The following TMEM164 variants were observed in gnomAD, a reference collection of about 807,000 sequenced individuals.
TMEM164 encodes transmembrane protein 164.
In TMEM164, 4 loss-of-function variants were observed where a neutral mutation model predicts 18.8. The observed-to-expected ratio is 0.21, with a 90% CI of 0.10 to 0.49. The LOEUF (loss-of-function observed/expected upper bound fraction) is 0.49, where lower values mean the gene tolerates loss of function less well. Ranked by LOEUF, TMEM164 falls within the 20% of genes least tolerant of loss-of-function variation. The pLI, the probability that TMEM164 is intolerant of heterozygous loss-of-function variation, is 0.98. For synonymous variants in TMEM164, 86 were observed against 101.7 expected, an observed-to-expected ratio of 0.85 and a Z score of 0.93; for missense variants, 108 against 239.9, an observed-to-expected ratio of 0.45 and a Z score of 3.63.
chrX:110,120,267 C>G lies in TMEM164; in HGVS notation c.507+11121C>G, dbSNP rs149571736. Among the ~76,000 whole-genome samples the G allele has an allele frequency of 1.6e-3, 177 of 111,662 alleles. 1 individual carries two copies. Among genetic ancestry groups the G allele is most frequent in the Non-Finnish European group, 2.7e-3 (145 of 53,097 alleles). On this transcript the variant is annotated intron_variant, in intron 4 of 6. Transcript: ENST00000372068. Reference sequence around the variant, plus strand: ...CTTCCTAAAATCACATTAGAAGGAACAGCGTCTGGCAGTCTTACCCAATGT... The same window carrying G: ...CTTCCTAAAATCACATTAGAAGGAAGAGCGTCTGGCAGTCTTACCCAATGT...
chrX:110,092,684 A>G (rs770086852), intron 3 of TMEM164, among the ~76,000 whole-genome samples: 1 of 111,545 alleles, frequency 9.0e-6, no homozygotes, highest in Admixed American at 9.6e-5. Context: ...CTCTTTTCCT[A>G]ATTGAATACC....
chrX:110,032,886 A>G (rs1047996749), intron 2 of TMEM164, among the ~76,000 whole-genome samples: 10 of 112,152 alleles, frequency 8.9e-5, no homozygotes, highest in African/African-American at 2.9e-4. Context: ...TGTCAAGGAG[A>G]TGGAAGATTA....
chrX:110,101,107 A>T (rs370699863), intron 3 of TMEM164, among the ~76,000 whole-genome samples: 4 of 108,868 alleles, frequency 3.7e-5, no homozygotes, highest in African/African-American at 1.3e-4. Flanking sequence ...TAGTTTTGGT[A>T]TCTGGGTAAT....
intron 2 of TMEM164, among the ~76,000 whole-genome samples, chrX:110,022,625 G>C (rs1409282556): frequency 8.9e-6 from 1 of 111,808 alleles, no homozygotes; most frequent in African/African-American, 3.3e-5. Flanking sequence ...GGTTTGAGGA[G>C]AACTGCCTGG....
intron 2 of TMEM164, among the ~76,000 whole-genome samples, chrX:110,033,233 G>A (rs1476434863): frequency 8.9e-6 from 1 of 111,778 alleles, no homozygotes; most frequent in Non-Finnish European, 1.9e-5. Flanking sequence ...CATTTTATAA[G>A]GTGCCCAAAT....
Position 110,043,706 on chromosome X carries a change from C to A in TMEM164, c.391-23641C>A, listed in dbSNP as rs908045627. Among the ~76,000 whole-genome samples the A allele has an allele frequency of 2.7e-5, 3 of 112,302 alleles. No individual in the cohort carries two copies. The East Asian group carries it at 8.3e-4, about 31-fold the overall frequency. ...GCATGTGTTGTAAGAAAAATTTAAG[C>A]AAGCGAGAAATGGCAAAAATAGAAA... On this transcript the variant is annotated intron_variant, in intron 2 of 6. Coordinates refer to ENST00000372068, the MANE Select transcript of TMEM164 (RefSeq NM_032227.4).
rs764043970 is a variant in TMEM164, at chrX:110,100,420, CA to C, written c.441-8656del. Among the ~76,000 whole-genome samples, 8 of 111,847 alleles carry C rather than the reference CA, an allele frequency of 7.2e-5. 1 individual carries two copies. Among genetic ancestry groups the C allele is most frequent in the African/African-American group, 2.6e-4 (8 of 30,840 alleles). Reference sequence around the variant, plus strand: ...ATCATGAATAGATACTGAATTTTGACAAAATACCCTTTCTGTATCAGTTGAT... The same window carrying C: ...ATCATGAATAGATACTGAATTTTGACAAATACCCTTTCTGTATCAGTTGAT... On this transcript the variant is annotated intron_variant, in intron 3 of 6. Coordinates refer to ENST00000372068, the MANE Select transcript of TMEM164 (RefSeq NM_032227.4).
At chrX:110,062,056 C>G (rs1043825693) in intron 2 of TMEM164, among the ~76,000 whole-genome samples, 4 of 111,594 alleles carry the variant, frequency 3.6e-5, no homozygotes, top group African/African-American at 1.3e-4. Context: ...AGACAGAAGC[C>G]ATAAAGGGAA....
chrX:110,091,932 G>A (rs2065936038), intron 3 of TMEM164, among the ~76,000 whole-genome samples: 1 of 111,993 alleles, frequency 8.9e-6, no homozygotes, highest in South Asian at 3.7e-4. Flanking sequence ...CATATGGTTA[G>A]CCAGTTTTCC....
intron 3 of TMEM164, among the ~76,000 whole-genome samples, chrX:110,073,575 C>T (rs957753270): frequency 2.7e-5 from 3 of 111,578 alleles, no homozygotes; most frequent in African/African-American, 9.8e-5. Flanking sequence ...TAGATTGATT[C>T]CTTGTCTTTA....
In TMEM164 at chrX:110,003,832, A is replaced by G. The variant is rs1932501885; in HGVS notation, c.58A>G (p.Ser20Gly). 8.3e-7 allele frequency: 1 copy of G among 1,209,230 alleles called. No homozygotes were observed. Among genetic ancestry groups the G allele is most frequent in the Admixed American group, 2.2e-5 (1 of 45,816 alleles). Residue 20 changes from serine to glycine, a missense_variant, in exon 2 of 7, where the codon AGT becomes GGT. Coordinates refer to ENST00000372068, the MANE Select transcript of TMEM164 (RefSeq NM_032227.4). ...LDWLYGGVDP[S>G]FAGNGGPDCA... ...CTGGCTCTATGGGGGCGTGGACCCC[A>G]GTTTTGCAGGCAATGGGGGCCCCGA... is the stretch of plus-strand genomic sequence containing the variant.
chrX:110,052,506 C>T (rs1464858032), intron 2 of TMEM164, among the ~76,000 whole-genome samples: 1 of 111,339 alleles, frequency 9.0e-6, no homozygotes, highest in African/African-American at 3.3e-5. Flanking sequence ...CAAGTCTATC[C>T]ATATTGTATG....
At chrX:110,050,127 C>T (rs1045793242) in intron 2 of TMEM164, among the ~76,000 whole-genome samples, 14 of 111,962 alleles carry the variant, frequency 1.3e-4, no homozygotes, top group African/African-American at 3.9e-4. Flanking sequence ...TCTTTTATGT[C>T]ACTCTGAATA....
intron 2 of TMEM164, chrX:110,020,433 G>T: frequency 2.7e-6 from 2 of 754,007 alleles, no homozygotes; most frequent in Non-Finnish European, 3.1e-6. Flanking sequence ...AGGAGGTATT[G>T]CCTTCGAGAA....
intron 3 of TMEM164, among the ~76,000 whole-genome samples, chrX:110,092,225 G>T (rs2065941594): frequency 8.9e-6 from 1 of 111,893 alleles, no homozygotes; most frequent in Admixed American, 9.5e-5. Flanking sequence ...CTTTAAAGTA[G>T]TTTTTTCCAA....
At chrX:110,133,794 G>T (rs758463063) in intron 4 of TMEM164, among the ~76,000 whole-genome samples, 25 of 111,426 alleles carry the variant, frequency 2.2e-4, no homozygotes, top group African/African-American at 8.2e-4. Flanking sequence ...CTTCCTTCCC[G>T]GCCTTTTCAG....
At chrX:110,025,271 A>C (rs1050090270) in intron 2 of TMEM164, among the ~76,000 whole-genome samples, 1 of 111,969 alleles carries the variant, frequency 8.9e-6, no homozygotes. Flanking sequence ...GCTGCTTGGC[A>C]TACAGTCAGT....
chrX:110,038,256 G>A (rs1483663714), intron 2 of TMEM164, among the ~76,000 whole-genome samples: 1 of 111,129 alleles, frequency 9.0e-6, no homozygotes, highest in East Asian at 2.8e-4. Context: ...CTCCCAAAGT[G>A]CTGGGATTAC....
At chrX:110,127,504 A>C (rs1003793855) in intron 4 of TMEM164, among the ~76,000 whole-genome samples, 3 of 111,531 alleles carry the variant, frequency 2.7e-5, no homozygotes, top group Non-Finnish European at 5.7e-5. Context: ...CAAGAGCAAA[A>C]CTCCGTCTCA....
Sources: allele counts gnomAD v4.1 joint callset (sites outside exome capture counted in the v4.1 genomes callset), GRCh38; gene constraint gnomAD v4.1.1; transcripts MANE v1.5; gene names NCBI Gene and HGNC (gene_info 2026-07-23, HGNC 2026-07-21).